The following GRM1 variants were observed in gnomAD, a reference collection of about 807,000 sequenced individuals.
GRM1 encodes the protein glutamate metabotropic receptor 1, also known as metabotropic glutamate receptor 1.
GRM1 carries 33 observed loss-of-function variants against 90.9 expected under a neutral mutation model. The observed-to-expected ratio is 0.36, with a 90% CI of 0.28 to 0.49. The LOEUF is 0.49. Ranked by LOEUF, GRM1 falls within the 20% of genes least tolerant of loss-of-function variation. The pLI is 0.99. For synonymous variants in GRM1, 700 were observed against 613.2 expected (o/e 1.14, Z -2.09); for missense variants, 1,190 against 1,534.3 (o/e 0.78, Z 3.75).
At chr6:146,107,009 G>C (rs1048553482) in intron 1 of GRM1, among the ~76,000 whole-genome samples, 8 of 152,134 alleles carry the variant, frequency 5.3e-5, no homozygotes, top group Non-Finnish European at 7.3e-5. Flanking sequence ...TTGACAATAG[G>C]ATTATAAGTG....
intron 5 of GRM1, among the ~76,000 whole-genome samples, chr6:146,370,758 G>A (rs1414490404): frequency 6.6e-6 from 1 of 151,696 alleles, no homozygotes; most frequent in East Asian, 1.9e-4. Flanking sequence ...TAACTTGACT[G>A]AGGCTTGTGC....
intron 3 of GRM1, 136 bp from the exon 4 acceptor site, chr6:146,352,114 C>A: frequency 1.2e-6 from 1 of 804,292 alleles, no homozygotes; most frequent in Non-Finnish European, 2.1e-6. Context: ...AAAGCTTGCA[C>A]AGGTGGGCGT....
Position 146,329,241 on chromosome 6 carries a change from T to C in GRM1, c.1187-23009T>C, listed in dbSNP as rs562074978. On this transcript the variant is annotated intron_variant, in intron 3 of 7. Coordinates refer to ENST00000282753, the MANE Select transcript of GRM1 (RefSeq NM_001278064.2). ...CAGAGTTGAACGAATGGAAAAGAGA[T>C]GACATTGAGCATCCCTCAGAAGTTC... Among the ~76,000 whole-genome samples, 36 of 152,310 alleles carry C rather than the reference T, an allele frequency of 2.4e-4. 1 individual carries two copies. The South Asian group carries it at 6.6e-3, about 28-fold the overall frequency.
intron 1 of GRM1, among the ~76,000 whole-genome samples, chr6:146,043,597 C>T (rs1436440183): frequency 1.3e-5 from 2 of 151,420 alleles, no homozygotes; most frequent in African/African-American, 2.4e-5. Context: ...GTAATGAGAA[C>T]ATTGCATTTT....
At chr6:146,409,554 T>G (rs891061739) in intron 7 of GRM1, among the ~76,000 whole-genome samples, 4 of 134,912 alleles carry the variant, frequency 3.0e-5, no homozygotes, top group Non-Finnish European at 6.3e-5. Flanking sequence ...TAAGTTTTGT[T>G]TTTGTTTTGT....
intron 7 of GRM1, among the ~76,000 whole-genome samples, chr6:146,432,180 A>G (rs1311069584): frequency 6.6e-6 from 1 of 152,374 alleles, no homozygotes; most frequent in South Asian, 2.1e-4. Context: ...CTTTGACATA[A>G]CAGAGATGAG....
Position 146,074,301 on chromosome 6 carries a change from C to G in GRM1, c.700+44084C>G, listed in dbSNP as rs9373484. 8.3e-3 allele frequency among the ~76,000 whole-genome samples: 1,257 copies of G among 152,124 alleles called. 35 individuals carry two copies. In the East Asian group the frequency reaches 0.11, roughly 14 times the overall value. ...CAGGGTGTACATTTCTGTGATTTTGCCTGGTTGTTTCCTAGTCACCTGCTT... is the reference window on the plus strand; with the variant it reads ...CAGGGTGTACATTTCTGTGATTTTGGCTGGTTGTTTCCTAGTCACCTGCTT... On this transcript the variant is annotated intron_variant, in intron 1 of 7. Transcript: ENST00000282753.
At chr6:146,393,099 G>A (rs1776792848) in intron 6 of GRM1, among the ~76,000 whole-genome samples, 1 of 152,144 alleles carries the variant, frequency 6.6e-6, no homozygotes, top group Admixed American at 6.5e-5. Context: ...GATCCTTGAG[G>A]AATCACCACG....
At chr6:146,228,173 G>C (rs1241927901) in intron 2 of GRM1, among the ~76,000 whole-genome samples, 2 of 152,160 alleles carry the variant, frequency 1.3e-5, no homozygotes, top group African/African-American at 4.8e-5. Context: ...GAAGAGGATT[G>C]ATTTTGATCA....
Position 146,436,103 on chromosome 6 carries a change from A to T in GRM1, c.*1307A>T, listed in dbSNP as rs1778586418. ...CAATGTCAACCTAGTAGTCAATCTA[A>T]CTGCAATTAGAAATTGTCTTTTGAA... On this transcript the variant is annotated 3_prime_UTR_variant, in exon 8 of 8. Transcript: ENST00000282753. 1 of 152,628 alleles carries T rather than the reference A, an allele frequency of 6.6e-6. No homozygotes were observed. Among genetic ancestry groups the T allele is most frequent in the South Asian group, 2.1e-4 (1 of 4,832 alleles). 9.5% of individuals were successfully genotyped at this position (152,628 alleles called of 1,614,324 possible). A position where few individuals can be genotyped will look rare whatever the true frequency, so the allele number is the denominator to read the frequency against.
At chr6:146,043,278 A>G (rs1299459536) in intron 1 of GRM1, among the ~76,000 whole-genome samples, 4 of 152,052 alleles carry the variant, frequency 2.6e-5, no homozygotes, top group Admixed American at 2.0e-4. Context: ...AGCCTGGCCA[A>G]CAGAGTGAGA....
At chr6:146,179,029 C>A (rs1259714692) in intron 2 of GRM1, among the ~76,000 whole-genome samples, 2 of 152,092 alleles carry the variant, frequency 1.3e-5, no homozygotes, top group Non-Finnish European at 2.9e-5. Flanking sequence ...GTGGTCAGAA[C>A]CCAGACATAT....
At chr6:146,427,952 G>A (rs1191158807) in intron 7 of GRM1, among the ~76,000 whole-genome samples, 1 of 152,228 alleles carries the variant, frequency 6.6e-6, no homozygotes, top group Non-Finnish European at 1.5e-5. Flanking sequence ...CAGGGCCAGA[G>A]AGAGAGGAGA....
chr6:146,393,272 C>T (rs973155511), intron 6 of GRM1, among the ~76,000 whole-genome samples: 1 of 152,144 alleles, frequency 6.6e-6, no homozygotes, highest in African/African-American at 2.4e-5. Flanking sequence ...ATTTGCATTT[C>T]TCTAATGACC....
chr6:146,316,732 C>G (rs991050686), intron 3 of GRM1, among the ~76,000 whole-genome samples: 4 of 152,054 alleles, frequency 2.6e-5, no homozygotes, highest in Admixed American at 6.6e-5. Context: ...GGAGCATGCT[C>G]CTCTGATTGG....
intron 2 of GRM1, among the ~76,000 whole-genome samples, chr6:146,283,227 G>C (rs1021452650): frequency 6.6e-6 from 1 of 152,184 alleles, no homozygotes; most frequent in Non-Finnish European, 1.5e-5. Flanking sequence ...GTGTGAATGA[G>C]CATAAATGAT....
At chr6:146,201,861 G>A (rs1045416126) in intron 2 of GRM1, among the ~76,000 whole-genome samples, 6 of 152,230 alleles carry the variant, frequency 3.9e-5, no homozygotes, top group South Asian at 2.1e-4. Flanking sequence ...CAACTTGTAA[G>A]TTGAACCCAC....
chr6:146,255,567 A>C (rs1335784127), intron 2 of GRM1, among the ~76,000 whole-genome samples: 3 of 152,064 alleles, frequency 2.0e-5, no homozygotes, highest in Non-Finnish European at 4.4e-5. Context: ...TCAAATTTTA[A>C]GGTGTATCAT....
chr6:146,188,248 T>G (rs1400722062), intron 2 of GRM1, among the ~76,000 whole-genome samples: 1 of 152,144 alleles, frequency 6.6e-6, no homozygotes, highest in African/African-American at 2.4e-5. Context: ...TACCGTTAAA[T>G]CATTCTGTCT....
Sources: allele counts gnomAD v4.1 joint callset (sites outside exome capture counted in the v4.1 genomes callset), GRCh38; gene constraint gnomAD v4.1.1; transcripts MANE v1.5; gene names NCBI Gene and HGNC (gene_info 2026-07-23, HGNC 2026-07-21).